Variants in VRK2 observed in about 807,000 individuals in gnomAD.
VRK2 encodes VRK serine/threonine kinase 2.
VRK2 carries 60 observed loss-of-function variants against 57.6 expected under a neutral mutation model. The observed-to-expected ratio is 1.04, with a 90% confidence interval of 0.85 to 1.29. The LOEUF (loss-of-function observed/expected upper bound fraction) is 1.29. VRK2 is among the 50% of genes most tolerant of loss of function. The pLI is 0.00. For missense variants in VRK2, 705 were observed against 588.1 expected (o/e 1.20, Z -2.06); for synonymous variants, 231 against 199.2 (o/e 1.16, Z -1.35).
chr2:58,027,240 G>GA (rs1272759054), intron 2 of VRK2, among the ~76,000 whole-genome samples: 1 of 151,782 alleles, frequency 6.6e-6, no homozygotes, highest in Non-Finnish European at 1.5e-5. Context: ...AGCAAAATGA[G>GA]AAAAAATCTC....
chr2:58,019,038 T>C (rs1054681540), intron 1 of VRK2, among the ~76,000 whole-genome samples: 2 of 152,242 alleles, frequency 1.3e-5, no homozygotes, highest in African/African-American at 2.4e-5. Context: ...ATATTTTAGA[T>C]GCATTTTTAA....
chr2:57,995,140 A>C (rs1352940829), intron 1 of VRK2, among the ~76,000 whole-genome samples: 1 of 152,208 alleles, frequency 6.6e-6, no homozygotes, highest in Non-Finnish European at 1.5e-5. Flanking sequence ...GGACTCTGAG[A>C]TCATATCAGT....
At chr2:58,045,588 C>T (rs930842670), upstream of VRK2, among the ~76,000 whole-genome samples, 9 of 152,206 alleles carry the variant, frequency 5.9e-5, no homozygotes, top group African/African-American at 2.2e-4. Context: ...ATTCTATGGA[C>T]TGTTTCTTTA....
intron 7 of VRK2, among the ~76,000 whole-genome samples, chr2:58,114,437 G>A (rs1190723775): frequency 6.8e-6 from 1 of 147,656 alleles, no homozygotes; most frequent in East Asian, 2.0e-4. Context: ...AAGTTTTTTT[G>A]GGGCACAGTC....
intron 1 of VRK2, among the ~76,000 whole-genome samples, chr2:57,947,461 G>A (rs764474174): frequency 1.2e-4 from 18 of 152,082 alleles, no homozygotes; most frequent in South Asian, 6.2e-4. Context: ...AAACTTATGG[G>A]TAATTTCCTG....
chr2:58,091,743 G>A (rs766666458), intron 7 of VRK2, among the ~76,000 whole-genome samples: 1 of 151,804 alleles, frequency 6.6e-6, no homozygotes, highest in Non-Finnish European at 1.5e-5. Flanking sequence ...AGCGATGATC[G>A]AAAAGAATGA....
At chr2:57,919,012 A>G (rs1670247425) in intron 1 of VRK2, among the ~76,000 whole-genome samples, 1 of 152,214 alleles carries the variant, frequency 6.6e-6, no homozygotes, top group Middle Eastern at 3.4e-3. Context: ...ATCTTGTTCT[A>G]TTGACCATCT....
At chr2:58,135,043 T>C in intron 9 of VRK2, 98 bp from the exon 10 acceptor site, 1 of 1,303,000 alleles carries the variant, frequency 7.7e-7, no homozygotes. Flanking sequence ...AAGTCACAAT[T>C]TTGGTGACCT....
intron 1 of VRK2, among the ~76,000 whole-genome samples, chr2:58,021,120 T>C (rs1673742382): frequency 1.3e-5 from 2 of 152,222 alleles, no homozygotes; most frequent in Admixed American, 1.3e-4. Context: ...AGCTCTATTG[T>C]GATATGAAAA....
At chr2:58,094,051 T>C (rs1672769951) in intron 7 of VRK2, among the ~76,000 whole-genome samples, 1 of 152,234 alleles carries the variant, frequency 6.6e-6, no homozygotes, top group East Asian at 1.9e-4. Context: ...AGTACCATGC[T>C]GTTTTGGTTA....
intron 2 of VRK2, among the ~76,000 whole-genome samples, chr2:58,055,345 A>G (rs1156804032): frequency 6.6e-6 from 1 of 152,184 alleles, no homozygotes; most frequent in Non-Finnish European, 1.5e-5. Flanking sequence ...TATAAAAACT[A>G]CAGTCTGTTG....
At chr2:58,092,371 T>C (rs1021954593) in intron 7 of VRK2, among the ~76,000 whole-genome samples, 6 of 152,242 alleles carry the variant, frequency 3.9e-5, no homozygotes, top group African/African-American at 1.4e-4. Context: ...TTTTTATTGC[T>C]GAGTAGTATT....
intron 1 of VRK2, among the ~76,000 whole-genome samples, chr2:58,012,530 A>T (rs1176669901): frequency 6.6e-6 from 1 of 152,188 alleles, no homozygotes; most frequent in Non-Finnish European, 1.5e-5. Context: ...TTGGCAATTG[A>T]ACTCAATCTT....
intron 1 of VRK2, among the ~76,000 whole-genome samples, chr2:58,005,230 C>G (rs994355025): frequency 6.6e-6 from 1 of 152,072 alleles, no homozygotes; most frequent in Non-Finnish European, 1.5e-5. Context: ...AGGGATTAAA[C>G]AACATCTAAG....
chr2:58,036,192 G>C (rs1374851141), intron 3 of VRK2, among the ~76,000 whole-genome samples: 1 of 151,858 alleles, frequency 6.6e-6, no homozygotes, highest in African/African-American at 2.4e-5. Context: ...AATATATCTG[G>C]TAGATAGGAA....
At chr2:58,009,306 G>T (rs1015331374) in intron 1 of VRK2, among the ~76,000 whole-genome samples, 1 of 151,836 alleles carries the variant, frequency 6.6e-6, no homozygotes. Context: ...ATTGCTATAT[G>T]TAGAGTAAAA....
intron 1 of VRK2, among the ~76,000 whole-genome samples, chr2:58,015,373 C>T (rs187483388): frequency 2.0e-3 from 312 of 152,252 alleles, no homozygotes; most frequent in Non-Finnish European, 3.6e-3. Flanking sequence ...GGCTATGAAT[C>T]CTGGCCTTAC....
At chr2:57,997,108 G>T (rs988641593) in intron 1 of VRK2, among the ~76,000 whole-genome samples, 3 of 151,986 alleles carry the variant, frequency 2.0e-5, no homozygotes, top group African/African-American at 7.2e-5. Flanking sequence ...ATTCAGTAAG[G>T]CATGATTTTG....
chr2:58,159,386 A>T lies in VRK2; in HGVS notation c.1220A>T (p.Gln407Leu), dbSNP rs1404775219. 4.3e-6 allele frequency: 7 copies of T among 1,612,604 alleles called. No individual in the cohort carries two copies. The highest frequency in any genetic ancestry group is 5.9e-6 in the Non-Finnish European group (7 of 1,179,354). ...AGAAGACAGAAATATCAAGAGTCTC[A>T]AGAACCTTTGAATGAAGTAAACAGT... The part of the protein sequence containing the change: ...TRRRQKYQES[Q>L]EPLNEVNSFP... Residue 407 changes from glutamine to leucine, a missense_variant, in exon 13 of 13, where the codon CAA becomes CTA. Physicochemically the swap from Gln to Leu is moderately radical, Grantham distance 113 (BLOSUM62 -2). Coordinates refer to ENST00000340157, the MANE Select transcript of VRK2 (RefSeq NM_006296.7).
Sources: allele counts gnomAD v4.1 joint callset (sites outside exome capture counted in the v4.1 genomes callset), GRCh38; gene constraint gnomAD v4.1.1; transcripts MANE v1.5; gene names NCBI Gene and HGNC (gene_info 2026-07-23, HGNC 2026-07-21).